The following BNIP5 variants were observed in gnomAD, a reference collection of about 807,000 sequenced individuals.
The protein encoded by BNIP5 is protein BNIP5.
Under a neutral mutation model 67.3 loss-of-function variants are expected in BNIP5, and 61 were observed. That is an observed-to-expected ratio of 0.91 (90% confidence interval 0.74 to 1.12). BNIP5 has a LOEUF of 1.12. BNIP5 is among the 50% of genes most tolerant of loss of function. The pLI is 0.00. For missense variants in BNIP5, 826 were observed against 816.3 expected, an observed-to-expected ratio of 1.01 and a Z score of -0.14; for synonymous variants, 317 against 319.0, an observed-to-expected ratio of 0.99 and a Z score of 0.07.
At chr6:36,320,015 A>G (rs1363354557) in intron 10 of BNIP5, among the ~76,000 whole-genome samples, 3 of 152,196 alleles carry the variant, frequency 2.0e-5, no homozygotes, top group African/African-American at 7.2e-5. Context: ...TAAAGTATCC[A>G]CCCAACCCCA....
chr6:36,326,361 CCA>C lies in BNIP5; in HGVS notation c.1036+147_1036+148del. 4.0e-6 allele frequency: 4 copies of C among 1,006,872 alleles called. No homozygotes were observed. In the South Asian group the frequency reaches 6.7e-5, roughly 17 times the overall value. 62.4% of individuals were successfully genotyped at this position (1,006,872 alleles called of 1,614,324 possible). On this transcript the variant is annotated intron_variant, in intron 5 of 11. Coordinates refer to ENST00000437635, the MANE Select transcript of BNIP5 (RefSeq NM_001010903.5). ...ACCTGCTGGCATTCTTTCTGTCTTC[CCA>C]CAGTCATCCTCACACCACTCAGGGC...
rs1332608317 is a variant in BNIP5, at chr6:36,317,109, C to T, written c.*247G>A. On this transcript the variant is annotated 3_prime_UTR_variant, in exon 12 of 12. Coordinates refer to ENST00000437635, the MANE Select transcript of BNIP5 (RefSeq NM_001010903.5). Reference sequence around the variant, plus strand: ...TCTGGGGTAGGTTCAGCAGGTAGAGCCCCAGTCTTCCTCATTCCCAGTCCA... The same window carrying T: ...TCTGGGGTAGGTTCAGCAGGTAGAGTCCCAGTCTTCCTCATTCCCAGTCCA... The T allele has an allele frequency of 5.2e-6, 3 of 581,668 alleles. No homozygotes were observed. The South Asian group carries it at 6.5e-5, about 13-fold the overall frequency. The allele number at this position is 581,668 out of a possible 1,614,324, so 36.0% of individuals were successfully genotyped here. A position where few individuals can be genotyped will look rare whatever the true frequency, so the allele number is the denominator to read the frequency against.
In BNIP5 at chr6:36,320,662, G is replaced by A. The variant is rs368931242; in HGVS notation, c.1668+493C>T. Among the ~76,000 whole-genome samples the A allele has an allele frequency of 2.5e-4, 38 of 152,348 alleles. No individual in the cohort carries two copies. In the South Asian group the frequency reaches 7.5e-3, roughly 30 times the overall value. ...AAAGTAGGCTGTGTTTTCCAAGGGT[G>A]GGGAACCTTCTGTTACAGACTGCCT... On this transcript the variant is annotated intron_variant, in intron 10 of 11. Transcript: ENST00000437635.
rs752368824 is a variant in BNIP5 at position 36,330,656 on chromosome 6, G to T, written c.35C>A (p.Ala12Glu). The change falls in exon 2 of 12, where the codon GCG (alanine) becomes GAG (glutamate). Residue 12 changes from alanine (A) to glutamate (E), a missense_variant. Physicochemically the swap from Ala to Glu is moderately radical, Grantham distance 107 (BLOSUM62 -1). Transcript: ENST00000437635. ...ENPRCPRRPL[A>E]EKKARSLDRP... ...GTCCAGAGACCTGGCTTTCTTCTCC[G>T]CCAGGGGCCTCCTTGGGCACCTTGG... 6 of 1,596,774 alleles carry T rather than the reference G, an allele frequency of 3.8e-6. No homozygotes were observed. Among genetic ancestry groups the T allele is most frequent in the South Asian group, 1.1e-5 (1 of 90,346 alleles).
chr6:36,331,924 C>G (rs946918623), intron 1 of BNIP5, among the ~76,000 whole-genome samples: 1 of 152,134 alleles, frequency 6.6e-6, no homozygotes, highest in Non-Finnish European at 1.5e-5. Flanking sequence ...CCTGTGGTCT[C>G]TAGGTCCCCA....
chr6:36,316,312 GA>G lies in BNIP5; in HGVS notation c.*1043del, dbSNP rs1771513526. ...TCTTGTCCTTCCTGCACATAGATAT[GA>G]ACATGTGGCAAATTTCACACCTGAG... On this transcript the variant is annotated 3_prime_UTR_variant, in exon 12 of 12. Coordinates refer to ENST00000437635, the MANE Select transcript of BNIP5 (RefSeq NM_001010903.5). The G allele has an allele frequency of 2.5e-6, 1 of 394,444 alleles. No homozygotes were observed. Among genetic ancestry groups the G allele is most frequent in the African/African-American group, 2.1e-5 (1 of 48,652 alleles). 24.4% of individuals were successfully genotyped at this position (394,444 alleles called of 1,614,324 possible).
chr6:36,323,527 G>C lies in BNIP5; in HGVS notation c.1237C>G (p.Gln413Glu). The change falls in exon 8 of 12, where the codon CAA becomes GAA. Residue 413 changes from glutamine to glutamate, a missense_variant. Gln to Glu is a conservative substitution (Grantham distance 29). Transcript: ENST00000437635. ...ACACCCACCTCTTCCTGCTGGACTT[G>C]AGGTTGCTGTGGGGGAGATGAGAGA... Reference protein sequence around the residue: ...AEEQQGEEQPQVQQEEVGVEN... With the variant: ...AEEQQGEEQPEVQQEEVGVEN... The C allele has an allele frequency of 6.2e-7, 1 of 1,614,114 alleles. No individual in the cohort carries two copies. The highest frequency in any genetic ancestry group is 8.5e-7 in the Non-Finnish European group (1 of 1,180,034).
chr6:36,324,203 A>G lies in BNIP5; in HGVS notation c.1169-13T>C. 1 of 1,611,168 alleles carries G rather than the reference A, an allele frequency of 6.2e-7. No individual in the cohort carries two copies. Among genetic ancestry groups the G allele is most frequent in the Non-Finnish European group, 8.5e-7 (1 of 1,177,488 alleles). On this transcript the variant is annotated splice_polypyrimidine_tract_variant and intron_variant, in intron 6 of 11. Coordinates refer to ENST00000437635, the MANE Select transcript of BNIP5 (RefSeq NM_001010903.5). ...TGAATGAATTCTTCTGAAAAAGATC[A>G]ACACGCATGGTTAACTTTGGTGCTA...
At chr6:36,335,648 A>G (rs1771997516) in intron 1 of BNIP5, among the ~76,000 whole-genome samples, 1 of 152,224 alleles carries the variant, frequency 6.6e-6, no homozygotes, top group African/African-American at 2.4e-5. Context: ...AAACCAGCTC[A>G]CCTTCATGCA....
intron 2 of BNIP5, among the ~76,000 whole-genome samples, chr6:36,329,533 G>A (rs1384303363): frequency 3.3e-5 from 5 of 152,122 alleles, no homozygotes; most frequent in South Asian, 2.1e-4. Context: ...ACAGTGGGCC[G>A]GGCGTGGTGG....
chr6:36,322,591 C>T (rs755547383), intron 8 of BNIP5, 149 bp from the exon 9 acceptor site: 13 of 799,740 alleles, frequency 1.6e-5, no homozygotes, highest in South Asian at 6.9e-5. Context: ...CAGAGGAGTT[C>T]GTGGTGCACT....
intron 1 of BNIP5, among the ~76,000 whole-genome samples, chr6:36,331,862 GC>G (rs1771914428): frequency 6.6e-6 from 1 of 151,902 alleles, no homozygotes. Flanking sequence ...CGACCCATCA[GC>G]AGAGCCTGTT....
At chr6:36,328,996 C>A (rs1771825788) in intron 2 of BNIP5, among the ~76,000 whole-genome samples, 1 of 152,156 alleles carries the variant, frequency 6.6e-6, no homozygotes, top group Admixed American at 6.5e-5. Flanking sequence ...TGCTGCAAGG[C>A]AGAGCCCCCC....
Position 36,317,382 on chromosome 6 carries a change from T to C in BNIP5, c.1933A>G (p.Ser645Gly). 1 of 1,613,456 alleles carries C rather than the reference T, an allele frequency of 6.2e-7. No individual in the cohort carries two copies. The highest frequency in any genetic ancestry group is 8.5e-7 in the Non-Finnish European group (1 of 1,179,374). ...PYREDQPNIT[S>G]PKVESPD ...CAATCTGGACTTTCAACCTTAGGAC[T>C]TGTGATGTTCTGGGAAGAGAAAAAG... is the stretch of plus-strand genomic sequence containing the variant. Residue 645 changes from serine to glycine, a missense_variant, in exon 12 of 12, where the codon AGT becomes GGT. Ser to Gly is a moderately conservative substitution (Grantham distance 56, BLOSUM62 0). Coordinates refer to ENST00000437635, the MANE Select transcript of BNIP5 (RefSeq NM_001010903.5).
intron 1 of BNIP5, among the ~76,000 whole-genome samples, chr6:36,330,913 G>A (rs35134930): frequency 0.026 from 4,024 of 152,162 alleles, 78 homozygotes; most frequent in Middle Eastern, 0.065. Flanking sequence ...ACAGGTGCCC[G>A]CCACCACACC....
intron 1 of BNIP5, among the ~76,000 whole-genome samples, chr6:36,336,497 G>A (rs558468732): frequency 1.3e-5 from 2 of 152,268 alleles, no homozygotes; most frequent in South Asian, 4.1e-4. Flanking sequence ...ACACCCCGTT[G>A]AGATAATGTC....
At position 36,330,850 on chromosome 6, in the gene BNIP5, A is replaced by G. The variant is rs549286575; in HGVS notation, c.-4-156T>C. Among the ~76,000 whole-genome samples, 3 of 152,024 alleles carry G rather than the reference A, an allele frequency of 2.0e-5. No homozygotes were observed. The East Asian group carries it at 5.8e-4, about 29-fold the overall frequency. On this transcript the variant is annotated intron_variant, in intron 1 of 11. Coordinates refer to ENST00000437635, the MANE Select transcript of BNIP5 (RefSeq NM_001010903.5). ...GCTATCTCAGCTCACTGCAACCTCT[A>G]CCTCCTGGGTTCAAGCGATTCTCCT...
At chr6:36,320,976 C>A (rs896843467) in intron 10 of BNIP5, among the ~76,000 whole-genome samples, 179 bp downstream of exon 10, 2 of 152,222 alleles carry the variant, frequency 1.3e-5, no homozygotes, top group Non-Finnish European at 2.9e-5. Context: ...GCGTTTTCTA[C>A]ATATGCACTA....
chr6:36,325,176 G>T (rs1167585835), intron 6 of BNIP5, 107 bp downstream of exon 6: 13 of 1,262,490 alleles, frequency 1.0e-5, no homozygotes, highest in Non-Finnish European at 1.5e-5. Context: ...TCAGAGGGAG[G>T]TCTGGACAGG....
Sources: allele counts gnomAD v4.1 joint callset (sites outside exome capture counted in the v4.1 genomes callset), GRCh38; gene constraint gnomAD v4.1.1; transcripts MANE v1.5; gene names NCBI Gene and HGNC (gene_info 2026-07-23, HGNC 2026-07-21).